ZSCAN25: variants seen among roughly 807,000 people sequenced by gnomAD.
ZSCAN25 encodes the protein zinc finger and SCAN domain containing 25, also known as zinc finger and SCAN domain-containing protein 25.
In ZSCAN25, 27 loss-of-function variants were observed where a neutral mutation model predicts 38.7. That is an observed-to-expected ratio of 0.70 (90% CI 0.51 to 0.96). The LOEUF is 0.96. ZSCAN25 is among the 40% of genes least tolerant of loss of function. The pLI is 0.00. For synonymous variants in ZSCAN25, 273 were observed against 277.7 expected (o/e 0.98, Z 0.17); for missense variants, 637 against 705.9 (o/e 0.90, Z 1.11).
At chr7:99,684,147 G>A in the ZSCAN25 span, among the ~76,000 whole-genome samples, 21 of 151,078 alleles carry the variant, frequency 1.4e-4, no homozygotes, top group African/African-American at 4.9e-4. Flanking sequence ...GTTATAAAAT[G>A]TATGTGCTTC....
chr7:99,622,585 CA>C lies in ZSCAN25; in HGVS notation c.627del (p.Val210Ter), dbSNP rs1332908097. 2 of 1,614,208 alleles carry C rather than the reference CA, an allele frequency of 1.2e-6. No individual in the cohort carries two copies. The highest frequency in any genetic ancestry group is 1.7e-6 in the Non-Finnish European group (2 of 1,180,028). Reference protein sequence around the residue: ...PVLQAGPGLPAVNPRDQEMAA... With the variant: ...PVLQAGPGLPXVNPRDQEMAA... Reference sequence around the variant, plus strand: ...CTGCAGGCGGGTCCTGGCCTCCCCGCAGTGAATCCCAGAGACCAAGAGATGG... The same window carrying C: ...CTGCAGGCGGGTCCTGGCCTCCCCGCGTGAATCCCAGAGACCAAGAGATGG... On this transcript the variant is annotated frameshift_variant, in exon 6 of 8. Transcript: ENST00000394152. LOFTEE classifies it high-confidence loss of function.
the ZSCAN25 span, chr7:99,674,405 CCT>C: frequency 1.6e-6 from 1 of 621,718 alleles, no homozygotes; most frequent in East Asian, 2.9e-5. Flanking sequence ...TTTCAGAGAA[CCT>C]CTCTCTGTTT....
chr7:99,621,315 C>A, intron 4 of ZSCAN25, 58 bp from the exon 5 acceptor site: 1 of 1,294,396 alleles, frequency 7.7e-7, no homozygotes, highest in Non-Finnish European at 1.0e-6. Context: ...TAGTTCAACT[C>A]CCTTCATAAC....
In ZSCAN25 at chr7:99,619,761, A is replaced by T; in HGVS notation, c.155A>T (p.Glu52Val). 6.2e-7 allele frequency: 1 copy of T among 1,614,244 alleles called. No individual in the cohort carries two copies. Among genetic ancestry groups the T allele is most frequent in the Non-Finnish European group, 8.5e-7 (1 of 1,180,044 alleles). ...RLRFRQFRYQ[E>V]AAGPQEALRE... is the part of the protein sequence containing the mutation. ...AGGTTTCGGCAGTTCCGCTACCAGG[A>T]GGCAGCTGGACCCCAGGAAGCTCTT... The change falls in exon 4 of 8, where the codon GAG (glutamate) becomes GTG (valine). Residue 52 changes from glutamate (E) to valine (V), a missense_variant. Glu to Val is a moderately radical substitution (Grantham distance 121, BLOSUM62 -2). Transcript: ENST00000394152.
chr7:99,704,546 C>T, the ZSCAN25 span, among the ~76,000 whole-genome samples: 5 of 152,228 alleles, frequency 3.3e-5, no homozygotes, highest in Non-Finnish European at 7.4e-5. Context: ...CTGCCTTGGC[C>T]TCCCAAAGTG....
the ZSCAN25 span, among the ~76,000 whole-genome samples, chr7:99,737,060 A>G: frequency 1.6e-4 from 25 of 152,300 alleles, no homozygotes; most frequent in Admixed American, 1.6e-3. Flanking sequence ...GTGGGTGACA[A>G]TCCCCAGGAG....
chr7:99,654,550 A>C, the ZSCAN25 span, among the ~76,000 whole-genome samples: 1 of 152,234 alleles, frequency 6.6e-6, no homozygotes, highest in East Asian at 1.9e-4. Context: ...ATAAGTGTGC[A>C]TGTGTGTTTA....
the ZSCAN25 span, among the ~76,000 whole-genome samples, chr7:99,655,454 C>T: frequency 3.3e-5 from 5 of 152,186 alleles, no homozygotes; most frequent in African/African-American, 1.2e-4. Context: ...GTTTTGGTAC[C>T]AGTACCATGC....
the ZSCAN25 span, among the ~76,000 whole-genome samples, chr7:99,665,631 T>C: frequency 6.6e-6 from 1 of 152,202 alleles, no homozygotes; most frequent in Non-Finnish European, 1.5e-5. Flanking sequence ...GTGGATGATA[T>C]AAGATATGTA....
chr7:99,706,997 A>T, the ZSCAN25 span, among the ~76,000 whole-genome samples: 2 of 152,360 alleles, frequency 1.3e-5, no homozygotes, highest in East Asian at 3.8e-4. Flanking sequence ...AAATTATATG[A>T]TAATAGCCTC....
the ZSCAN25 span, among the ~76,000 whole-genome samples, chr7:99,654,484 T>G: frequency 2.0e-5 from 3 of 152,242 alleles, no homozygotes; most frequent in East Asian, 5.8e-4. Flanking sequence ...TCTATCATTA[T>G]TGGACATTTG....
the ZSCAN25 span, among the ~76,000 whole-genome samples, chr7:99,705,828 G>T: frequency 6.6e-6 from 1 of 152,172 alleles, no homozygotes; most frequent in African/African-American, 2.4e-5. Flanking sequence ...CACCTATTCT[G>T]TGTGAGGTTT....
Position 99,631,985 on chromosome 7 carries a change from A to G in ZSCAN25, c.*1965A>G. On this transcript the variant is annotated 3_prime_UTR_variant, in exon 8 of 8. Transcript: ENST00000394152. The stretch of plus-strand genomic sequence containing the variant: ...TTCTGGCCTGAGTGTGGCCTTCCCC[A>G]GAGGGTGGTTTTCCAAAGGCAGGTG... The G allele has an allele frequency of 2.0e-6, 2 of 985,402 alleles. No individual in the cohort carries two copies. Among genetic ancestry groups the G allele is most frequent in the Non-Finnish European group, 1.2e-6 (1 of 829,938 alleles). 61.0% of individuals were successfully genotyped at this position (985,402 alleles called of 1,614,324 possible).
the ZSCAN25 span, among the ~76,000 whole-genome samples, chr7:99,662,501 A>G: frequency 6.6e-6 from 1 of 152,214 alleles, no homozygotes; most frequent in Non-Finnish European, 1.5e-5. The surrounding 1 kb of genome is among the most constrained non-coding windows in gnomAD (Gnocchi z 4.3). Context: ...TAAATTTCCA[A>G]GTAGAGGTTC....
At chr7:99,635,748 C>T (rs1808251022), downstream of ZSCAN25, among the ~76,000 whole-genome samples, 3 of 152,162 alleles carry the variant, frequency 2.0e-5, no homozygotes, top group Admixed American at 6.5e-5. Context: ...AGAAATACTA[C>T]ATTGAAGATA....
At chr7:99,710,756 T>A in the ZSCAN25 span, 1 of 1,613,948 alleles carries the variant, frequency 6.2e-7, no homozygotes, top group Non-Finnish European at 8.5e-7. Context: ...CTGTATCAAT[T>A]TCCTTCTGCA....
rs1807996313 is a variant in ZSCAN25 at position 99,631,551 on chromosome 7, A to G, written c.*1531A>G. 2.0e-6 allele frequency: 2 copies of G among 985,286 alleles called. No individual in the cohort carries two copies. The highest frequency in any genetic ancestry group is 2.4e-6 in the Non-Finnish European group (2 of 829,908). 61.0% of individuals were successfully genotyped at this position (985,286 alleles called of 1,614,324 possible). A position where few individuals can be genotyped will look rare whatever the true frequency, so the allele number is the denominator to read the frequency against. On this transcript the variant is annotated 3_prime_UTR_variant, in exon 8 of 8. Coordinates refer to ENST00000394152, the MANE Select transcript of ZSCAN25 (RefSeq NM_145115.3). ...GTGAGTGAGTTTGTCCTTTGTTGAT[A>G]GTGTCCTATAATTGCAAAATGTGGT...
At chr7:99,657,462 G>T in the ZSCAN25 span, among the ~76,000 whole-genome samples, 17 of 152,054 alleles carry the variant, frequency 1.1e-4, no homozygotes, top group Admixed American at 3.9e-4. Flanking sequence ...TTGTTATAAT[G>T]TCTGTTCTTT....
chr7:99,735,062 G>T, the ZSCAN25 span: 1 of 1,614,078 alleles, frequency 6.2e-7, no homozygotes, highest in Non-Finnish European at 8.5e-7. Context: ...GAGAAGCCAG[G>T]TTTCCACGGC....
Sources: gnomAD v4.1 joint callset for allele counts (sites outside exome capture counted in the v4.1 genomes callset) on GRCh38, gnomAD v4.1.1 for gene constraint, Gnocchi (gnomAD v3.1) non-coding constraint, MANE v1.5 for transcripts, NCBI Gene and HGNC (gene_info 2026-07-23, HGNC 2026-07-21) for gene names.